The following PAM variants were observed in gnomAD, a reference collection of about 807,000 sequenced individuals.
PAM encodes the protein peptidylglycine alpha-amidating monooxygenase.
A neutral mutation model predicts 122.1 loss-of-function variants in PAM; 72 were observed. The observed-to-expected ratio is 0.59, with a 90% CI of 0.49 to 0.72. The LOEUF (loss-of-function observed/expected upper bound fraction) is 0.72. PAM is among the 30% of genes least tolerant of loss of function. The probability of loss-of-function intolerance (pLI) is 0.00; values close to 1 mark genes in which losing one functional copy is unlikely to be tolerated. For missense variants in PAM, 1,106 were observed against 1,183.7 expected (o/e 0.93, Z 0.96); for synonymous variants, 389 against 404.4 (o/e 0.96, Z 0.46).
intron 16 of PAM, among the ~76,000 whole-genome samples, chr5:102,998,126 T>C (rs1736432454): frequency 1.3e-5 from 2 of 152,238 alleles, no homozygotes; most frequent in Admixed American, 1.3e-4. Flanking sequence ...CAGTGTATGC[T>C]CCTGGAGAGG....
chr5:102,862,466 C>T (rs1382996618), intron 1 of PAM, among the ~76,000 whole-genome samples: 1 of 152,080 alleles, frequency 6.6e-6, no homozygotes, highest in Non-Finnish European at 1.5e-5. Context: ...GATATGTGCC[C>T]TTTCATCAGT....
chr5:102,943,202 A>G (rs1351745568), intron 7 of PAM, among the ~76,000 whole-genome samples: 1 of 152,216 alleles, frequency 6.6e-6, no homozygotes, highest in Non-Finnish European at 1.5e-5. Context: ...CTCATAAAGT[A>G]TAGAGCACTA....
At chr5:102,982,717 G>A (rs1487213276) in intron 15 of PAM, among the ~76,000 whole-genome samples, 2 of 152,098 alleles carry the variant, frequency 1.3e-5, no homozygotes, top group Non-Finnish European at 2.9e-5. Flanking sequence ...CATCTATAAA[G>A]AAAAACATTT....
At chr5:103,010,198 G>C (rs1196647447) in intron 21 of PAM, among the ~76,000 whole-genome samples, 8 of 152,158 alleles carry the variant, frequency 5.3e-5, no homozygotes, top group African/African-American at 1.7e-4. Flanking sequence ...TCGCTTTCTG[G>C]TTTCATCCAA....
At chr5:102,763,340 A>G (rs1752953766) in intron 1 of PAM, among the ~76,000 whole-genome samples, 1 of 152,264 alleles carries the variant, frequency 6.6e-6, no homozygotes, top group East Asian at 1.9e-4. Context: ...CTTGGGTTTC[A>G]CTTATTCAAC....
chr5:102,768,613 A>T (rs1030073411), intron 1 of PAM, among the ~76,000 whole-genome samples: 1 of 152,246 alleles, frequency 6.6e-6, no homozygotes, highest in Middle Eastern at 3.4e-3. Flanking sequence ...TGCCTGGCTT[A>T]TTTCACTGAA....
At chr5:103,003,004 T>C in intron 16 of PAM, 29 bp from the exon 17 acceptor site, 1 of 969,294 alleles carries the variant, frequency 1.0e-6, no homozygotes, top group African/African-American at 1.6e-5. Context: ...TATGATTGTT[T>C]CATGTCCTAT....
chr5:102,859,770 A>G lies in PAM; in HGVS notation c.-373-6053A>G, dbSNP rs148320428. ...ATTTATAAGTGCCGTATACAAATGT[A>G]CCATTTCTTATCTTATATACAGTAT... On this transcript the variant is annotated intron_variant, in intron 1 of 25. Coordinates refer to ENST00000438793, the MANE Select transcript of PAM (RefSeq NM_001177306.2). 2.5e-3 allele frequency among the ~76,000 whole-genome samples: 388 copies of G among 152,246 alleles called. 2 individuals are homozygous for G. The highest frequency in any genetic ancestry group is 4.4e-3 in the Non-Finnish European group (296 of 68,010).
chr5:102,830,812 A>C (rs1775216244), intron 1 of PAM, among the ~76,000 whole-genome samples: 1 of 152,242 alleles, frequency 6.6e-6, no homozygotes, highest in Non-Finnish European at 1.5e-5. Flanking sequence ...TACTTGGCAA[A>C]TTAAGCATGT....
intron 4 of PAM, among the ~76,000 whole-genome samples, chr5:102,905,095 TG>T (rs1398396885): frequency 6.6e-6 from 1 of 151,650 alleles, no homozygotes; most frequent in African/African-American, 2.4e-5. Flanking sequence ...GGGCATTGTG[TG>T]TTTTTTTTGT....
Position 103,029,134 on chromosome 5 carries a change from T to G in PAM, c.*69T>G. On this transcript the variant is annotated 3_prime_UTR_variant, in exon 26 of 26. Coordinates refer to ENST00000438793, the MANE Select transcript of PAM (RefSeq NM_001177306.2). ...TCAGATTCCTTTCCCTTTAGCACGT[T>G]TAAAGTTCTGTGTATTTAATTGTAA... is the stretch of plus-strand genomic sequence containing the variant. 3 of 1,292,344 alleles carry G rather than the reference T, an allele frequency of 2.3e-6. No individual in the cohort carries two copies. 80.1% of individuals were successfully genotyped at this position (1,292,344 alleles called of 1,614,324 possible).
intron 17 of PAM, 104 bp from the exon 18 acceptor site, chr5:103,005,050 C>A: frequency 1.5e-6 from 1 of 668,224 alleles, no homozygotes; most frequent in Non-Finnish European, 2.7e-6. Context: ...ATACATTTAT[C>A]AATTTATAAC....
chr5:102,784,565 A>G (rs461605), intron 1 of PAM, among the ~76,000 whole-genome samples: 63,755 of 152,034 alleles, frequency 0.42, 14,080 homozygotes, highest in African/African-American at 0.55. Flanking sequence ...GACAGGTACC[A>G]TCTCTGTCTT....
chr5:102,950,468 C>A (rs748034114), intron 11 of PAM, among the ~76,000 whole-genome samples: 2 of 144,642 alleles, frequency 1.4e-5, no homozygotes, highest in Non-Finnish European at 3.0e-5. Flanking sequence ...TTCATCCTCT[C>A]TACCCAGAGT....
chr5:102,878,764 AG>A (rs1240595523), intron 3 of PAM, among the ~76,000 whole-genome samples: 1 of 152,162 alleles, frequency 6.6e-6, no homozygotes, highest in Non-Finnish European at 1.5e-5. Context: ...AAATGCTTAT[AG>A]AATAAAGACA....
intron 1 of PAM, among the ~76,000 whole-genome samples, chr5:102,792,224 TTG>T (rs1277549287): frequency 6.6e-6 from 1 of 152,166 alleles, no homozygotes; most frequent in Non-Finnish European, 1.5e-5. Context: ...ATATGTGGGT[TTG>T]TGTATATGCT....
intron 5 of PAM, among the ~76,000 whole-genome samples, chr5:102,924,433 C>CAAAAA (rs989089756): frequency 1.9e-5 from 1 of 52,218 alleles, no homozygotes; most frequent in African/African-American, 6.1e-5. Flanking sequence ...AACTCCGTCT[C>CAAAAA]AAAAAAAAAA....
At chr5:102,820,530 T>C (rs951578774) in intron 1 of PAM, among the ~76,000 whole-genome samples, 3 of 152,060 alleles carry the variant, frequency 2.0e-5, no homozygotes, top group Non-Finnish European at 4.4e-5. Context: ...ATTTAAGATA[T>C]TGGAAGCATA....
At chr5:102,915,184 ATC>A (rs1180444463) in intron 5 of PAM, among the ~76,000 whole-genome samples, 1 of 152,100 alleles carries the variant, frequency 6.6e-6, no homozygotes, top group Non-Finnish European at 1.5e-5. Context: ...GCACTGAGGA[ATC>A]TGTTTTGAGG....
Sources: gnomAD v4.1 joint callset for allele counts (sites outside exome capture counted in the v4.1 genomes callset) on GRCh38, gnomAD v4.1.1 for gene constraint, MANE v1.5 for transcripts, NCBI Gene and HGNC (gene_info 2026-07-23, HGNC 2026-07-21) for gene names.